SEMA3D: variants seen among roughly 807,000 people sequenced by gnomAD.
The protein encoded by SEMA3D is semaphorin 3D.
Under a neutral mutation model 100.1 loss-of-function variants are expected in SEMA3D, and 84 were observed. That is an observed-to-expected ratio of 0.84 (90% CI 0.70 to 1.01). The LOEUF (loss-of-function observed/expected upper bound fraction) is 1.01. SEMA3D is among the 50% of genes least tolerant of loss of function. The pLI, the probability that SEMA3D is intolerant of heterozygous loss-of-function variation, is 0.00. For synonymous variants in SEMA3D, 312 were observed against 320.7 expected (o/e 0.97, Z 0.29); for missense variants, 875 against 934.1 (o/e 0.94, Z 0.82).
At chr7:85,216,773 T>C in the SEMA3D span, among the ~76,000 whole-genome samples, 3 of 151,944 alleles carry the variant, frequency 2.0e-5, no homozygotes, top group South Asian at 6.2e-4. Context: ...TCTATGAAAT[T>C]TGTTGTTTTC....
intron 8 of SEMA3D, among the ~76,000 whole-genome samples, chr7:85,065,145 A>G (rs962441336): frequency 2.0e-5 from 3 of 152,182 alleles, no homozygotes; most frequent in Non-Finnish European, 2.9e-5. Context: ...ATTAAAGAAT[A>G]AAATAATGAT....
the SEMA3D span, among the ~76,000 whole-genome samples, chr7:85,198,650 CT>C: frequency 6.6e-6 from 1 of 151,610 alleles, no homozygotes; most frequent in Non-Finnish European, 1.5e-5. Context: ...TTAATTTTTT[CT>C]TTCCATAATT....
At position 85,147,167 on chromosome 7, in the gene SEMA3D, A is replaced by G. The variant is rs575754828; in HGVS notation, c.-41+6441T>C. Reference sequence around the variant, plus strand: ...GCCCAGGCTGGAGTGCAATGGCACAATCTTGGCTCACCGCAACCTCTGCCT... The same window carrying G: ...GCCCAGGCTGGAGTGCAATGGCACAGTCTTGGCTCACCGCAACCTCTGCCT... On this transcript the variant is annotated intron_variant, in intron 2 of 18. Transcript: ENST00000284136. 1.3e-4 allele frequency among the ~76,000 whole-genome samples: 17 copies of G among 133,308 alleles called. No homozygotes were observed. In the South Asian group the frequency reaches 4.1e-3, roughly 32 times the overall value. The allele number at this position is 133,308 out of a possible 152,430, so 87.5% of individuals were successfully genotyped here.
the SEMA3D span, among the ~76,000 whole-genome samples, chr7:85,245,000 T>C: frequency 8.5e-5 from 13 of 152,114 alleles, no homozygotes; most frequent in Non-Finnish European, 1.3e-4. Context: ...CGTGAGCCAC[T>C]GCGCCCGGCC....
intron 4 of SEMA3D, among the ~76,000 whole-genome samples, chr7:85,087,669 G>T (rs568787517): frequency 6.6e-6 from 1 of 151,886 alleles, no homozygotes; most frequent in Non-Finnish European, 1.5e-5. Flanking sequence ...AGAGTTTATG[G>T]GTCAACACTG....
chr7:85,105,770 T>C (rs1415653030), intron 3 of SEMA3D, among the ~76,000 whole-genome samples: 1 of 152,058 alleles, frequency 6.6e-6, no homozygotes, highest in African/African-American at 2.4e-5. Flanking sequence ...TCTTAGAACA[T>C]TACCTATATC....
intron 5 of SEMA3D, among the ~76,000 whole-genome samples, chr7:85,081,237 T>C (rs1361802593): frequency 6.6e-6 from 1 of 152,186 alleles, no homozygotes; most frequent in East Asian, 1.9e-4. Context: ...TATTTTTGAA[T>C]ACTTTAATGT....
At position 85,168,128 on chromosome 7, in the gene SEMA3D, A is replaced by G. The variant is rs138091286; in HGVS notation, c.-172-14389T>C. Among the ~76,000 whole-genome samples, 24 of 151,968 alleles carry G rather than the reference A, an allele frequency of 1.6e-4. 1 individual carries two copies. The highest frequency in any genetic ancestry group is 1.6e-3 in the Admixed American group (24 of 15,212). On this transcript the variant is annotated intron_variant, in intron 1 of 18. Transcript: ENST00000284136. The stretch of plus-strand genomic sequence containing the variant: ...ATAGTCTAATGGCTGAAATAGATTA[A>G]TCAACCTGTGGCTCTTATTATTTTT...
chr7:85,181,671 C>T (rs1791414074), intron 1 of SEMA3D: 1 of 429,274 alleles, frequency 2.3e-6, no homozygotes, highest in Non-Finnish European at 3.1e-6. Context: ...ATGCTGACCT[C>T]CTTCCAAAGA....
chr7:85,085,563 G>A lies in SEMA3D; in HGVS notation c.313-3984C>T, dbSNP rs572174280. ...TTCATTAGACATATAATTATGAAAG[G>A]CCTTCTGTATGTCAGCCAAGGCATC... is the stretch of plus-strand genomic sequence containing the variant. On this transcript the variant is annotated intron_variant, in intron 4 of 18. Coordinates refer to ENST00000284136, the MANE Select transcript of SEMA3D (RefSeq NM_001384900.1). Among the ~76,000 whole-genome samples, 20 of 152,182 alleles carry A rather than the reference G, an allele frequency of 1.3e-4. No homozygotes were observed. In the South Asian group the frequency reaches 4.1e-3, roughly 32 times the overall value.
chr7:85,145,863 T>C (rs1026058920), intron 2 of SEMA3D, among the ~76,000 whole-genome samples: 5 of 152,166 alleles, frequency 3.3e-5, no homozygotes, highest in Non-Finnish European at 5.9e-5. Context: ...TACTCACCTC[T>C]TCCCCTATAC....
intron 9 of SEMA3D, among the ~76,000 whole-genome samples, chr7:85,043,165 A>G (rs1394082819): frequency 6.6e-6 from 1 of 152,038 alleles, no homozygotes; most frequent in Non-Finnish European, 1.5e-5. Context: ...CGAGACCAGT[A>G]TGGTCAACAT....
intron 2 of SEMA3D, chr7:85,151,558 A>T: frequency 2.4e-6 from 2 of 849,988 alleles, no homozygotes; most frequent in East Asian, 2.5e-4. Flanking sequence ...GCTGGTTAAA[A>T]TAGAGCACCG....
intron 17 of SEMA3D, among the ~76,000 whole-genome samples, chr7:85,007,860 A>G (rs1056086370): frequency 1.3e-5 from 2 of 151,846 alleles, no homozygotes; most frequent in Admixed American, 6.6e-5. Flanking sequence ...CCTAAACCTA[A>G]GCATACAAAT....
intron 2 of SEMA3D, among the ~76,000 whole-genome samples, chr7:85,125,784 G>A (rs546317668): frequency 8.4e-4 from 25 of 29,652 alleles, no homozygotes; most frequent in Admixed American, 4.6e-3. Context: ...TGCTGTCTTC[G>A]TGTGTGTGTG....
intron 9 of SEMA3D, among the ~76,000 whole-genome samples, chr7:85,053,841 C>T (rs1287575082): frequency 6.6e-6 from 1 of 151,772 alleles, no homozygotes; most frequent in Non-Finnish European, 1.5e-5. Flanking sequence ...ATCATATATT[C>T]TTTTTTGATC....
intron 4 of SEMA3D, among the ~76,000 whole-genome samples, chr7:85,094,654 A>G (rs1201142013): frequency 6.6e-6 from 1 of 151,900 alleles, no homozygotes; most frequent in Non-Finnish European, 1.5e-5. Context: ...TTCTTGATCC[A>G]TGTCCTTCTC....
chr7:85,068,954 CTT>C (rs1473429225), intron 6 of SEMA3D, among the ~76,000 whole-genome samples: 3 of 152,050 alleles, frequency 2.0e-5, no homozygotes, highest in African/African-American at 4.8e-5. Flanking sequence ...CATTGGCAGA[CTT>C]TTAGTATTTG....
chr7:85,239,949 T>C, the SEMA3D span, among the ~76,000 whole-genome samples: 2 of 152,210 alleles, frequency 1.3e-5, no homozygotes, highest in Non-Finnish European at 2.9e-5. Flanking sequence ...TACATAATCA[T>C]GTTTTCTACA....
Sources: allele counts gnomAD v4.1 joint callset (sites outside exome capture counted in the v4.1 genomes callset), GRCh38; gene constraint gnomAD v4.1.1; transcripts MANE v1.5; gene names NCBI Gene and HGNC (gene_info 2026-07-23, HGNC 2026-07-21).